Variants in C12orf76 observed in about 807,000 individuals in gnomAD.
The protein encoded by C12orf76 is chromosome 12 open reading frame 76, also known as uncharacterized protein C12orf76.
In C12orf76, 6 loss-of-function variants were observed where a neutral mutation model predicts 6.8. The observed-to-expected ratio is 0.88, with a 90% confidence interval of 0.48 to 1.73. The LOEUF (loss-of-function observed/expected upper bound fraction) is 1.73. C12orf76 is among the 40% of genes most tolerant of loss of function. C12orf76 has a pLI of 0.01. For missense variants in C12orf76, 99 were observed against 98.2 expected (o/e 1.01, Z -0.03); for synonymous variants, 56 against 43.7 (o/e 1.28, Z -1.11).
upstream of C12orf76, among the ~76,000 whole-genome samples, chr12:110,071,308 T>A (rs1040854643): frequency 2.0e-5 from 3 of 152,178 alleles, no homozygotes; most frequent in African/African-American, 7.2e-5. Context: ...GATTTTAGAA[T>A]CCACATTTCC....
intron 1 of C12orf76, chr12:110,073,361 T>C (rs1424514351): frequency 6.0e-6 from 3 of 499,828 alleles, no homozygotes; most frequent in Non-Finnish European, 1.2e-5. Context: ...AGCTGCCCCC[T>C]GGGGCTTTCT....
rs1414357682 is a variant in C12orf76, at chr12:110,048,483, C to A, written c.13G>T (p.Ala5Ser). ...AGGCCAAGGTACAGCCACGGTAACG[C>A]TGGACGCAGCATCTTCCCCAGCCCT... MLRPALPWLYLGLCS... is the reference protein window; with the variant it reads MLRPSLPWLYLGLCS... The change falls in exon 1 of 2, where the codon GCG becomes TCG. Residue 5 changes from alanine (A) to serine (S), a missense_variant. Physicochemically the swap from Ala to Ser is moderately conservative, Grantham distance 99. Transcript: ENST00000615315. 2.8e-6 allele frequency: 4 copies of A among 1,450,848 alleles called. No homozygotes were observed. In the East Asian group the frequency reaches 1.1e-4, roughly 41 times the overall value. The allele number at this position is 1,450,848 out of a possible 1,614,324, so 89.9% of individuals were successfully genotyped here.
intron 2 of C12orf76, among the ~76,000 whole-genome samples, chr12:110,062,953 A>T (rs1892798251): frequency 6.8e-6 from 1 of 146,298 alleles, no homozygotes; most frequent in South Asian, 2.2e-4. Context: ...GAATAAAGAG[A>T]TTTTTTTTTT....
chr12:110,068,321 A>AGAAGAAGAG (rs1892915978), upstream of C12orf76, among the ~76,000 whole-genome samples: 3 of 140,730 alleles, frequency 2.1e-5, no homozygotes, highest in Admixed American at 7.1e-5. Flanking sequence ...AAGAAGAAGA[A>AGAAGAAGAG]GAAGAAGAAG....
chr12:110,042,671 C>G, intron 1 of C12orf76: 1 of 664,532 alleles, frequency 1.5e-6, no homozygotes, highest in Non-Finnish European at 2.7e-6. Flanking sequence ...CTTGATATAC[C>G]GTGAAAAAAA....
chr12:110,052,872 G>A (rs185231946), upstream of C12orf76, among the ~76,000 whole-genome samples: 2 of 152,278 alleles, frequency 1.3e-5, no homozygotes, highest in East Asian at 1.9e-4. Context: ...CTATGATTTC[G>A]TGAGTCTGGG....
At chr12:110,047,154 C>T (rs1377753768) in intron 1 of C12orf76, among the ~76,000 whole-genome samples, 1 of 152,088 alleles carries the variant, frequency 6.6e-6, no homozygotes, top group Non-Finnish European at 1.5e-5. Context: ...GAAGGGAAGA[C>T]TTTGGCGAGG....
upstream of C12orf76, among the ~76,000 whole-genome samples, chr12:110,069,217 G>T (rs1259293055): frequency 2.0e-5 from 3 of 152,182 alleles, no homozygotes; most frequent in African/African-American, 7.2e-5. Flanking sequence ...AAGGCGGGCG[G>T]ATCACGAGGT....
intron 2 of C12orf76, among the ~76,000 whole-genome samples, chr12:110,064,383 CAT>C (rs947033366): frequency 2.6e-5 from 4 of 152,148 alleles, no homozygotes; most frequent in Non-Finnish European, 5.9e-5. Flanking sequence ...GTTCCCCAAA[CAT>C]GTGGCCGTTC....
intron 1 of C12orf76, among the ~76,000 whole-genome samples, chr12:110,072,992 A>C (rs1204855838): frequency 1.3e-5 from 2 of 152,086 alleles, no homozygotes; most frequent in African/African-American, 4.8e-5. Flanking sequence ...AAAAAACAAA[A>C]GGCAGGTGTT....
upstream of C12orf76, among the ~76,000 whole-genome samples, chr12:110,068,322 G>A (rs1045719640): frequency 1.1e-4 from 16 of 139,158 alleles, no homozygotes; most frequent in African/African-American, 4.1e-4. Context: ...AGAAGAAGAA[G>A]AAGAAGAAGG....
intron 3 of C12orf76, chr12:110,057,366 C>G (rs41436646): frequency 0.21 from 205,755 of 981,612 alleles, 28,604 homozygotes; most frequent in African/African-American, 0.64. Flanking sequence ...ATATCCCTTA[C>G]CTCATGACTA....
At chr12:110,060,400 C>A (rs1240374164) in intron 2 of C12orf76, among the ~76,000 whole-genome samples, 1 of 152,128 alleles carries the variant, frequency 6.6e-6, no homozygotes, top group East Asian at 1.9e-4. Flanking sequence ...GCCTCTCTTG[C>A]CAAGTAAACA....
At chr12:110,051,520 A>G (rs2137224294), upstream of C12orf76, among the ~76,000 whole-genome samples, 1 of 151,648 alleles carries the variant, frequency 6.6e-6, no homozygotes, top group South Asian at 2.1e-4. Flanking sequence ...TCCGCCCCCT[A>G]GGTTGAAGCG....
At chr12:110,062,257 C>T (rs1231350377) in intron 2 of C12orf76, among the ~76,000 whole-genome samples, 2 of 152,118 alleles carry the variant, frequency 1.3e-5, no homozygotes, top group Non-Finnish European at 2.9e-5. Flanking sequence ...GAGTGAGACT[C>T]CATCTCCCAA....
intron 2 of C12orf76, among the ~76,000 whole-genome samples, chr12:110,065,275 A>G (rs1892839425): frequency 6.6e-6 from 1 of 151,662 alleles, no homozygotes; most frequent in Non-Finnish European, 1.5e-5. Context: ...GATTCAAGCA[A>G]TTTTTGTGCC....
At chr12:110,065,814 C>G in intron 2 of C12orf76, 1 of 1,614,138 alleles carries the variant, frequency 6.2e-7, no homozygotes, top group South Asian at 1.1e-5. Flanking sequence ...AATTCCAACT[C>G]TTCCCCTGTC....
At chr12:110,051,904 C>CTTTTTTTTT (rs567991255), upstream of C12orf76, among the ~76,000 whole-genome samples, 1 of 100,662 alleles carries the variant, frequency 9.9e-6, no homozygotes, top group Non-Finnish European at 2.0e-5. Context: ...GGCAGCTACT[C>CTTTTTTTTT]TTTTTTTTTT....
At chr12:110,065,994 T>A (rs1411567967) in exon 2 of C12orf76, 9 of 1,609,758 alleles carry the variant, frequency 5.6e-6, no homozygotes, top group Non-Finnish European at 6.8e-6. Flanking sequence ...AACTGGGTCA[T>A]CTCTGACCTT....
Sources: allele counts gnomAD v4.1 joint callset (sites outside exome capture counted in the v4.1 genomes callset), GRCh38; gene constraint gnomAD v4.1.1; transcripts MANE v1.5; gene names NCBI Gene and HGNC (gene_info 2026-07-23, HGNC 2026-07-21).